LETMD1: variants seen among roughly 807,000 people sequenced by gnomAD.
The protein encoded by LETMD1 is LETM1 domain containing 1.
Under a neutral mutation model 43.9 loss-of-function variants are expected in LETMD1, and 30 were observed. That is an observed-to-expected ratio of 0.68 (90% CI 0.51 to 0.93). The LOEUF (loss-of-function observed/expected upper bound fraction) is 0.93, where lower values mean the gene tolerates loss of function less well. Among genes scored for constraint, LETMD1 ranks in the 40% least tolerant of loss-of-function variants. The probability of loss-of-function intolerance (pLI) is 0.00; values close to 1 mark genes in which losing one functional copy is unlikely to be tolerated. For missense variants in LETMD1, 413 were observed against 447.7 expected, an observed-to-expected ratio of 0.92 and a Z score of 0.70; for synonymous variants, 176 against 163.1, an observed-to-expected ratio of 1.08 and a Z score of -0.60.
chr12:51,057,998 T>G (rs1451565437), intron 7 of LETMD1, 34 bp from the exon 8 acceptor site: 6 of 1,259,774 alleles, frequency 4.8e-6, no homozygotes, highest in South Asian at 4.8e-5. Flanking sequence ...CATTCTATGA[T>G]TATTAAGGAC....
chr12:51,060,729 C>T (rs1256899199), downstream of LETMD1, among the ~76,000 whole-genome samples: 2 of 151,912 alleles, frequency 1.3e-5, no homozygotes, highest in African/African-American at 2.4e-5. Flanking sequence ...GGTGAAACCC[C>T]GTCTCAACTA....
chr12:51,065,974 G>A, the LETMD1 span, among the ~76,000 whole-genome samples: 1 of 152,206 alleles, frequency 6.6e-6, no homozygotes, highest in Non-Finnish European at 1.5e-5. Context: ...CATTCTTAGG[G>A]ATGGTATTGC....
chr12:51,050,521 A>G (rs1945767206), intron 2 of LETMD1, among the ~76,000 whole-genome samples: 1 of 151,202 alleles, frequency 6.6e-6, no homozygotes, highest in African/African-American at 2.4e-5. Flanking sequence ...GCGCCCGGCC[A>G]ACTATTATGG....
chr12:51,055,665 TAA>T (rs56285797), intron 4 of LETMD1, 168 bp from the exon 5 acceptor site: 7,825 of 149,282 alleles, frequency 0.052, 118 homozygotes, highest in African/African-American at 0.12. Flanking sequence ...CCCTGTCTCT[TAA>T]AAAAAAAAAA....
chr12:51,055,017 A>C (rs926549329), intron 4 of LETMD1, among the ~76,000 whole-genome samples: 3 of 151,926 alleles, frequency 2.0e-5, no homozygotes, highest in Non-Finnish European at 4.4e-5. Flanking sequence ...GTAGAATCGC[A>C]TGAACCCAGG....
At chr12:51,068,060 T>C in the LETMD1 span, 1 of 1,236,930 alleles carries the variant, frequency 8.1e-7, no homozygotes, top group African/African-American at 1.5e-5. Flanking sequence ...CCCTTGAACC[T>C]TCTGCAATCA....
At chr12:51,064,748 C>T, downstream of LETMD1, 1 of 1,294,638 alleles carries the variant, frequency 7.7e-7, no homozygotes. Context: ...AGCTGGCAAA[C>T]AGGCAGTTGG....
Position 51,058,126 on chromosome 12 carries a change from A to G in LETMD1, c.1010A>G (p.Lys337Arg). Reference sequence around the variant, plus strand: ...TGGCTGCAGATTTCCTGCAGCCTGAAAGGTAAAACACATTTCTGTGGTTAT... The same window carrying G: ...TGGCTGCAGATTTCCTGCAGCCTGAGAGGTAAAACACATTTCTGTGGTTAT... ...GEWLQISCSL[K>R]EAELSLLLHN... Residue 337 changes from lysine (K) to arginine (R), a missense_variant and splice_region_variant, in exon 8 of 9, where the codon AAA (lysine) becomes AGA (arginine). By Grantham distance (26) the Lys-to-Arg change is conservative (BLOSUM62 2). Transcript: ENST00000262055. The G allele has an allele frequency of 6.3e-7, 1 of 1,589,766 alleles. No individual in the cohort carries two copies. The highest frequency in any genetic ancestry group is 8.6e-7 in the Non-Finnish European group (1 of 1,157,676).
intron 7 of LETMD1, 62 bp downstream of exon 7, chr12:51,056,564 C>G: frequency 6.3e-7 from 1 of 1,578,666 alleles, no homozygotes; most frequent in African/African-American, 1.3e-5. Context: ...CTATGGCAGG[C>G]CGGAGGTTTA....
intron 4 of LETMD1, among the ~76,000 whole-genome samples, chr12:51,054,102 G>A (rs1946944418): frequency 6.6e-6 from 1 of 152,034 alleles, no homozygotes. Context: ...CCTGAGTCAT[G>A]TGAAATAAGA....
rs754629172 is a variant in LETMD1 at position 51,056,501 on chromosome 12, C to T, written c.914C>T (p.Ser305Leu). The change falls in exon 7 of 9, where the codon TCG (serine) becomes TTG (leucine). Residue 305 changes from serine to leucine, a missense_variant and splice_region_variant. Transcript: ENST00000262055. The part of the protein sequence containing the change: ...IGQLTAQEVK[S>L]ACYLRGLNST... ...CAGCTGACTGCTCAGGAAGTAAAAT[C>T]GGTAAGAGCTTGATTGCAACATCAA... The T allele has an allele frequency of 3.8e-5, 62 of 1,614,040 alleles. No homozygotes were observed. Among genetic ancestry groups the T allele is most frequent in the Non-Finnish European group, 4.8e-5 (57 of 1,180,036 alleles).
At chr12:51,063,656 A>G, downstream of LETMD1, 2 of 999,058 alleles carry the variant, frequency 2.0e-6, no homozygotes, top group Non-Finnish European at 2.8e-6. Flanking sequence ...TGGGAGCAGC[A>G]GCTGCTTCTA....
downstream of LETMD1, chr12:51,064,802 C>A: frequency 1.6e-6 from 1 of 636,948 alleles, no homozygotes; most frequent in Non-Finnish European, 2.5e-6. Flanking sequence ...CAATTCAAAG[C>A]ATAGCATGCA....
downstream of LETMD1, among the ~76,000 whole-genome samples, chr12:51,060,629 G>A (rs1022663978): frequency 6.6e-6 from 1 of 152,178 alleles, no homozygotes; most frequent in African/African-American, 2.4e-5. Flanking sequence ...GAGGCCGGGC[G>A]CGGCGGCTCA....
At position 51,052,076 on chromosome 12, in the gene LETMD1, T is replaced by C; in HGVS notation, c.275-16T>C. The stretch of plus-strand genomic sequence containing the variant: ...TGGGATAACATCACACTCTGTCCTC[T>C]ACTTTAATGAGGCAGGATTGCAGAT... On this transcript the variant is annotated splice_polypyrimidine_tract_variant and intron_variant, in intron 2 of 8. Coordinates refer to ENST00000262055, the MANE Select transcript of LETMD1 (RefSeq NM_015416.5). The C allele has an allele frequency of 6.2e-7, 1 of 1,611,174 alleles. No individual in the cohort carries two copies. The highest frequency in any genetic ancestry group is 1.1e-5 in the South Asian group (1 of 90,608).
intron 2 of LETMD1, among the ~76,000 whole-genome samples, chr12:51,051,815 A>G (rs1348596022): frequency 6.6e-6 from 1 of 152,234 alleles, no homozygotes; most frequent in African/African-American, 2.4e-5. Context: ...CTTGATTTTT[A>G]AAAAGGAGTG....
At position 51,055,904 on chromosome 12, in the gene LETMD1, T is replaced by C. The variant is rs368443611; in HGVS notation, c.543T>C (p.Asp181=). 6 of 1,613,982 alleles carry C rather than the reference T, an allele frequency of 3.7e-6. No homozygotes were observed. The highest frequency in any genetic ancestry group is 5.1e-6 in the Non-Finnish European group (6 of 1,179,898). The change falls in exon 5 of 9, where the codon GAT becomes GAC. Residue 181 remains aspartate (D), a synonymous_variant. Transcript: ENST00000262055. ...CAAAACAACAAACTGATTTCTTAGA[T>C]ATCTATCATGCTTTCCGGAAGCAGT... ...WTPKQQTDFL[D]IYHAFRKQSH...
At chr12:51,057,808 G>A in intron 7 of LETMD1, 2 of 517,744 alleles carry the variant, frequency 3.9e-6, no homozygotes, top group East Asian at 3.7e-5. Context: ...GTATTTTTTA[G>A]TAGAGATGGT....
chr12:51,068,115 T>C, the LETMD1 span: 3 of 679,404 alleles, frequency 4.4e-6, no homozygotes, highest in Non-Finnish European at 7.5e-6. Flanking sequence ...TACTAGCACA[T>C]GTGGCTACTG....
Sources: gnomAD v4.1 joint callset for allele counts (sites outside exome capture counted in the v4.1 genomes callset) on GRCh38, gnomAD v4.1.1 for gene constraint, MANE v1.5 for transcripts, NCBI Gene and HGNC (gene_info 2026-07-23, HGNC 2026-07-21) for gene names.